The following CYP4F8 variants were observed in gnomAD, a reference collection of about 807,000 sequenced individuals.
CYP4F8 encodes cytochrome P450 family 4 subfamily F member 8.
A neutral mutation model predicts 55.0 loss-of-function variants in CYP4F8; 56 were observed. That is an observed-to-expected ratio of 1.02 (90% CI 0.82 to 1.27). The LOEUF is 1.27. CYP4F8 is among the 50% of genes most tolerant of loss of function. The pLI is 0.00. For synonymous variants in CYP4F8, 288 were observed against 267.3 expected, an observed-to-expected ratio of 1.08 and a Z score of -0.76; for missense variants, 680 against 682.4, an observed-to-expected ratio of 1.00 and a Z score of 0.04.
intron 2 of CYP4F8, among the ~76,000 whole-genome samples, chr19:15,616,097 C>CCTCA (rs36153769): frequency 0.49 from 31,423 of 64,374 alleles, 10,320 homozygotes; most frequent in Non-Finnish European, 0.56. Context: ...CACTCATTCT[C>CCTCA]CTCACTCATT....
chr19:15,626,131 C>T (rs1267243648), intron 9 of CYP4F8, among the ~76,000 whole-genome samples: 1 of 152,152 alleles, frequency 6.6e-6, no homozygotes, highest in Non-Finnish European at 1.5e-5. Context: ...CTCTTCAGTT[C>T]TGTAGTGGAT....
intron 3 of CYP4F8, chr19:15,619,190 TAG>T (rs2144602887): frequency 2.9e-6 from 1 of 347,368 alleles, no homozygotes; most frequent in East Asian, 5.5e-5. Flanking sequence ...ATGTGTTTTG[TAG>T]AGTGTTGACT....
intron 2 of CYP4F8, among the ~76,000 whole-genome samples, chr19:15,617,761 G>T (rs1473629671): frequency 6.6e-6 from 1 of 152,174 alleles, no homozygotes; most frequent in Non-Finnish European, 1.5e-5. Context: ...CAGCTGCAGA[G>T]GAGAAAACAA....
intron 5 of CYP4F8, 107 bp downstream of exon 5, chr19:15,619,869 C>T (rs1972172192): frequency 2.9e-6 from 4 of 1,390,516 alleles, no homozygotes; most frequent in African/African-American, 1.4e-5. Context: ...GGCCATTGCT[C>T]TTCCTCTCTG....
At position 15,619,196 on chromosome 19, in the gene CYP4F8, G is replaced by A. The variant is rs576551264; in HGVS notation, c.344-294G>A. ...ATTCTGTAAATGTGTTTTGTAGAGT[G>A]TTGACTTATGCTTGGGTGTTGCAGA... On this transcript the variant is annotated intron_variant, in intron 3 of 12. Transcript: ENST00000612078. 4.8e-4 allele frequency: 180 copies of A among 378,066 alleles called. 4 individuals carry two copies. In the South Asian group the frequency reaches 6.8e-3, roughly 14 times the overall value. 23.4% of individuals were successfully genotyped at this position (378,066 alleles called of 1,614,324 possible). A position where few individuals can be genotyped will look rare whatever the true frequency, so the allele number is the denominator to read the frequency against.
Position 15,618,381 on chromosome 19 carries a change from C to T in CYP4F8, c.343+237C>T, listed in dbSNP as rs541981883. On this transcript the variant is annotated intron_variant, in intron 3 of 12. Transcript: ENST00000612078. The stretch of plus-strand genomic sequence containing the variant: ...TGGGAACCACTGGGGCCCCGAGAAG[C>T]CTTAATCCAAGGCCCTGTCCTGGAG... 8.0e-5 allele frequency: 54 copies of T among 679,142 alleles called. No homozygotes were observed. The African/African-American group carries it at 9.2e-4, about 12-fold the overall frequency. The allele number at this position is 679,142 out of a possible 1,614,324, so 42.1% of individuals were successfully genotyped here.
chr19:15,628,106 A>G, intron 9 of CYP4F8, 196 bp from the exon 10 acceptor site: 1 of 774,864 alleles, frequency 1.3e-6, no homozygotes, highest in South Asian at 1.9e-5. Flanking sequence ...TTTTGCTCAG[A>G]AATACCTCTA....
chr19:15,617,758 A>T (rs901010643), intron 2 of CYP4F8, among the ~76,000 whole-genome samples: 7 of 152,200 alleles, frequency 4.6e-5, no homozygotes, highest in African/African-American at 1.7e-4. Context: ...TCTCAGCTGC[A>T]GAGGAGAAAA....
intron 5 of CYP4F8, 146 bp from the exon 6 acceptor site, chr19:15,622,073 C>T (rs1972200743): frequency 7.3e-6 from 8 of 1,103,300 alleles, no homozygotes; most frequent in Middle Eastern, 2.6e-4. Context: ...TCCACTCTCA[C>T]CCAAGCGTAG....
At chr19:15,629,008 T>C (rs1401135744) in intron 12 of CYP4F8, among the ~76,000 whole-genome samples, 165 bp downstream of exon 12, 4 of 152,100 alleles carry the variant, frequency 2.6e-5, no homozygotes, top group African/African-American at 9.7e-5. Context: ...CTGGTTTCAG[T>C]TGGGGCTGGG....
intron 3 of CYP4F8, 33 bp downstream of exon 3, chr19:15,618,177 G>T (rs1321798608): frequency 6.2e-7 from 1 of 1,613,778 alleles, no homozygotes; most frequent in Non-Finnish European, 8.5e-7. Flanking sequence ...GGTGGGCACA[G>T]GAGAACATTG....
At chr19:15,616,202 A>T (rs1256823277) in intron 2 of CYP4F8, among the ~76,000 whole-genome samples, 1 of 132,578 alleles carries the variant, frequency 7.5e-6, no homozygotes. Context: ...TCACTCACTC[A>T]TTCCTCTCCT....
At position 15,622,269 on chromosome 19, in the gene CYP4F8, T is replaced by C. The variant is rs766393469; in HGVS notation, c.576T>C (p.Phe192=). ...AMEGSTCLDV[F]EHISLMTLDS... ...AGGGCAGCACCTGTCTGGATGTGTT[T>C]GAGCACATCAGCCTTATGACCCTGG... Residue 192 remains phenylalanine, a synonymous_variant, in exon 6 of 13, where the codon TTT becomes TTC. Coordinates refer to ENST00000612078, the MANE Select transcript of CYP4F8 (RefSeq NM_007253.4). 3 of 1,613,652 alleles carry C rather than the reference T, an allele frequency of 1.9e-6. No homozygotes were observed. The Admixed American group carries it at 5.0e-5, about 27-fold the overall frequency.
chr19:15,626,605 A>ATATCTATCTGTCTATC (rs1555738308), intron 9 of CYP4F8, among the ~76,000 whole-genome samples: 10 of 146,948 alleles, frequency 6.8e-5, no homozygotes, highest in African/African-American at 2.5e-4. Flanking sequence ...ATTGTTCTGG[A>ATATCTATCTGTCTATC]TATCTATCTA....
chr19:15,620,810 T>C lies in CYP4F8; in HGVS notation c.525+1048T>C, dbSNP rs187193636. ...GGCTCCATCTCTTAATGGAAGTTGC[T>C]AAAAAATCACATTGCAAAAGATGTG... On this transcript the variant is annotated intron_variant, in intron 5 of 12. Coordinates refer to ENST00000612078, the MANE Select transcript of CYP4F8 (RefSeq NM_007253.4). 2.5e-3 allele frequency among the ~76,000 whole-genome samples: 388 copies of C among 152,270 alleles called. 1 individual carries two copies. The highest frequency in any genetic ancestry group is 5.8e-3 in the Admixed American group (89 of 15,298).
intron 9 of CYP4F8, among the ~76,000 whole-genome samples, chr19:15,624,436 T>A (rs1972237470): frequency 6.6e-6 from 1 of 152,208 alleles, no homozygotes; most frequent in South Asian, 2.1e-4. Context: ...AATACCGCAA[T>A]GACTTTTGGA....
intron 6 of CYP4F8, 57 bp downstream of exon 6, chr19:15,622,397 G>T (rs1599860304): frequency 1.9e-6 from 3 of 1,577,434 alleles, no homozygotes; most frequent in Non-Finnish European, 2.6e-6. Context: ...TGGGTGTGGG[G>T]AGAGCAAAGC....
At chr19:15,619,808 G>C (rs751275987) in intron 5 of CYP4F8, 46 bp downstream of exon 5, 1 of 1,603,574 alleles carries the variant, frequency 6.2e-7, no homozygotes, top group South Asian at 1.1e-5. Flanking sequence ...TTGGGGTGGA[G>C]GGATCACATA....
intron 7 of CYP4F8, 131 bp downstream of exon 7, chr19:15,623,506 T>A: frequency 7.1e-7 from 1 of 1,410,160 alleles, no homozygotes; most frequent in Non-Finnish European, 9.4e-7. Context: ...GAGGGACAAG[T>A]CAGATAAATT....
Sources: gnomAD v4.1 joint callset for allele counts (sites outside exome capture counted in the v4.1 genomes callset) on GRCh38, gnomAD v4.1.1 for gene constraint, MANE v1.5 for transcripts, NCBI Gene and HGNC (gene_info 2026-07-23, HGNC 2026-07-21) for gene names.